EXOG: variants seen among roughly 807,000 people sequenced by gnomAD.
The protein encoded by EXOG is exo/endonuclease G, also known as nuclease EXOG, mitochondrial.
Under a neutral mutation model 25.8 loss-of-function variants are expected in EXOG, and 27 were observed. That is an observed-to-expected ratio of 1.05 (90% CI 0.77 to 1.45). The LOEUF is 1.45. Among genes scored for constraint, EXOG ranks in the 40% most tolerant of loss-of-function variants. EXOG has a pLI of 0.00. For missense variants in EXOG, 458 were observed against 450.5 expected (o/e 1.02, Z -0.15); for synonymous variants, 133 against 167.0 (o/e 0.80, Z 1.57).
chr3:38,498,370 C>A (rs943802479), intron 2 of EXOG, among the ~76,000 whole-genome samples: 15 of 151,758 alleles, frequency 9.9e-5, no homozygotes, highest in Non-Finnish European at 1.2e-4. Context: ...GCCTGGCCAA[C>A]ATGGCAAAAC....
intron 5 of EXOG, among the ~76,000 whole-genome samples, chr3:38,514,571 G>A (rs1394945499): frequency 6.6e-6 from 1 of 152,130 alleles, no homozygotes; most frequent in African/African-American, 2.4e-5. Context: ...TGTTCCAGAA[G>A]CTAAGTGAAG....
chr3:38,523,065 T>C, intron 5 of EXOG: 1 of 448,424 alleles, frequency 2.2e-6, no homozygotes, highest in Non-Finnish European at 4.2e-6. Context: ...CTAATTGAAG[T>C]GATCCTGGAG....
intron 4 of EXOG, among the ~76,000 whole-genome samples, chr3:38,504,211 T>C (rs1042193274): frequency 6.6e-6 from 1 of 151,838 alleles, no homozygotes; most frequent in Non-Finnish European, 1.5e-5. Context: ...ACTAAAAATT[T>C]AAAAAATTAA....
At chr3:38,502,093 G>A (rs2125755514) in intron 3 of EXOG, among the ~76,000 whole-genome samples, 1 of 152,172 alleles carries the variant, frequency 6.6e-6, no homozygotes, top group Admixed American at 6.5e-5. Context: ...CAGGTGTTTT[G>A]TATTTTTAGT....
At chr3:38,498,970 T>C in intron 2 of EXOG, 1 of 456,638 alleles carries the variant, frequency 2.2e-6, no homozygotes, top group East Asian at 6.9e-5. Flanking sequence ...GTTTCTTCTC[T>C]CTCTCAACCT....
At chr3:38,500,029 TCCAAAGGGCTACA>T (rs2060000561) in intron 2 of EXOG, 1 of 182,552 alleles carries the variant, frequency 5.5e-6, no homozygotes, top group African/African-American at 2.4e-5. Flanking sequence ...ACCCTGGAAC[TCCAAAGGGCTACA>T]TCCTCAGGGA....
At chr3:38,513,924 G>A (rs2060451364) in intron 5 of EXOG, 1 of 152,222 alleles carries the variant, frequency 6.6e-6, no homozygotes, top group African/African-American at 2.4e-5. Context: ...TATTAGGGTG[G>A]GAAAGAAAGA....
Position 38,526,026 on chromosome 3 carries a change from C to G in EXOG, c.*1664C>G. ...GCTTCCTGTGTGCCTGCTTGTCTAC[C>G]TAGCATAGTAGGCCAAAGGTCCAAA... On this transcript the variant is annotated 3_prime_UTR_variant, in exon 6 of 6. Coordinates refer to ENST00000287675, the MANE Select transcript of EXOG (RefSeq NM_005107.4). 2 of 985,396 alleles carry G rather than the reference C, an allele frequency of 2.0e-6. No individual in the cohort carries two copies. The highest frequency in any genetic ancestry group is 2.4e-6 in the Non-Finnish European group (2 of 829,892). The allele number at this position is 985,396 out of a possible 1,614,324, so 61.0% of individuals were successfully genotyped here.
chr3:38,502,575 G>A (rs1283370274), intron 3 of EXOG, among the ~76,000 whole-genome samples: 2 of 152,086 alleles, frequency 1.3e-5, no homozygotes, highest in African/African-American at 2.4e-5. Context: ...ATCTAAGAAT[G>A]AGGATGTTTA....
At position 38,524,506 on chromosome 3, in the gene EXOG, A is replaced by T; in HGVS notation, c.*144A>T. 1.5e-6 allele frequency: 2 copies of T among 1,378,856 alleles called. No individual in the cohort carries two copies. Among genetic ancestry groups the T allele is most frequent in the Non-Finnish European group, 1.9e-6 (2 of 1,052,728 alleles). The allele number at this position is 1,378,856 out of a possible 1,614,324, so 85.4% of individuals were successfully genotyped here. ...GGTCTCGCCGTGTCATCCAGGCTGG[A>T]GTGCAGTGGTGGAATCATAGCTCAC... On this transcript the variant is annotated 3_prime_UTR_variant, in exon 6 of 6. Coordinates refer to ENST00000287675, the MANE Select transcript of EXOG (RefSeq NM_005107.4).
chr3:38,497,321 T>C (rs1450967101), intron 1 of EXOG: 1 of 1,104,972 alleles, frequency 9.1e-7, no homozygotes, highest in Non-Finnish European at 1.1e-6. Flanking sequence ...ATATCAGTGC[T>C]TCAGAGATGA....
intron 5 of EXOG, among the ~76,000 whole-genome samples, chr3:38,510,925 G>T (rs2060349237): frequency 6.6e-6 from 1 of 151,958 alleles, no homozygotes; most frequent in African/African-American, 2.4e-5. Context: ...AGACTTGCTG[G>T]TCTTAGGTAT....
intron 5 of EXOG, among the ~76,000 whole-genome samples, chr3:38,523,671 G>T (rs2060793403): frequency 1.3e-5 from 2 of 151,964 alleles, no homozygotes; most frequent in South Asian, 4.2e-4. Context: ...CCTCACCTGG[G>T]GTTATATTAT....
chr3:38,518,897 A>G (rs1450352686), intron 5 of EXOG, among the ~76,000 whole-genome samples: 1 of 152,230 alleles, frequency 6.6e-6, no homozygotes, highest in Non-Finnish European at 1.5e-5. Context: ...AGGGTATCCA[A>G]ACATGGGTCT....
Position 38,525,156 on chromosome 3 carries a change from G to T in EXOG, c.*794G>T. The T allele has an allele frequency of 2.2e-6, 2 of 920,642 alleles. No individual in the cohort carries two copies. The highest frequency in any genetic ancestry group is 2.6e-6 in the Non-Finnish European group (2 of 771,448). The allele number at this position is 920,642 out of a possible 1,614,324, so 57.0% of individuals were successfully genotyped here. On this transcript the variant is annotated 3_prime_UTR_variant, in exon 6 of 6. Transcript: ENST00000287675. The stretch of plus-strand genomic sequence containing the variant: ...TGCTTTACATGTGTTGTCTCACAAT[G>T]ACTCTCTGAGGTAAATACACTATCC...
intron 5 of EXOG, chr3:38,515,859 T>C (rs2060526388): frequency 6.6e-6 from 1 of 152,526 alleles, no homozygotes; most frequent in African/African-American, 2.4e-5. Flanking sequence ...CCCATTCTTT[T>C]AGAGAGTATT....
intron 2 of EXOG, chr3:38,498,000 C>T: frequency 2.0e-6 from 1 of 493,972 alleles, no homozygotes; most frequent in Non-Finnish European, 3.5e-6. Context: ...TCTTGACACA[C>T]TAGTTGGGAG....
At chr3:38,504,177 G>A (rs1468315363) in intron 4 of EXOG, among the ~76,000 whole-genome samples, 5 of 152,060 alleles carry the variant, frequency 3.3e-5, no homozygotes, top group Admixed American at 3.3e-4. Flanking sequence ...AGACTGGCCT[G>A]GGACATAGTG....
At chr3:38,510,035 G>T (rs2060319068) in intron 5 of EXOG, among the ~76,000 whole-genome samples, 1 of 152,114 alleles carries the variant, frequency 6.6e-6, no homozygotes, top group Non-Finnish European at 1.5e-5. Flanking sequence ...CACAAAGTAA[G>T]AAATAACTTT....
Sources: allele counts gnomAD v4.1 joint callset (sites outside exome capture counted in the v4.1 genomes callset), GRCh38; gene constraint gnomAD v4.1.1; transcripts MANE v1.5; gene names NCBI Gene and HGNC (gene_info 2026-07-23, HGNC 2026-07-21).